Variants in CDH13 observed in about 807,000 individuals in gnomAD.
CDH13 encodes the protein cadherin 13, also known as cadherin-13.
Under a neutral mutation model 63.8 loss-of-function variants are expected in CDH13, and 24 were observed. That is an observed-to-expected ratio of 0.38 (90% confidence interval 0.27 to 0.53). The LOEUF is 0.53. Among genes scored for constraint, CDH13 ranks in the 20% least tolerant of loss-of-function variants. The pLI is 0.85. For missense variants in CDH13, 1,049 were observed against 903.1 expected (o/e 1.16, Z -2.07); for synonymous variants, 503 against 355.3 (o/e 1.42, Z -4.67).
chr16:83,016,473 C>T (rs540909862), intron 2 of CDH13, among the ~76,000 whole-genome samples: 2 of 152,214 alleles, frequency 1.3e-5, no homozygotes, highest in African/African-American at 4.8e-5. Context: ...CTGTAGGAAG[C>T]TCTTGCCCTC....
intron 6 of CDH13, among the ~76,000 whole-genome samples, chr16:83,415,633 A>G (rs578250078): frequency 5.7e-4 from 87 of 152,344 alleles, no homozygotes; most frequent in African/African-American, 1.9e-3. Flanking sequence ...GATACACCAC[A>G]TTAGCAGACT....
chr16:83,323,238 C>G (rs1457380557), intron 5 of CDH13, among the ~76,000 whole-genome samples: 4 of 139,040 alleles, frequency 2.9e-5, no homozygotes, highest in Non-Finnish European at 6.2e-5. Context: ...TTCTTTCTTT[C>G]TTTCCTTCCT....
chr16:83,466,034 T>C (rs1209006777), intron 6 of CDH13, among the ~76,000 whole-genome samples: 2 of 152,160 alleles, frequency 1.3e-5, no homozygotes, highest in African/African-American at 4.8e-5. Flanking sequence ...TACACACATG[T>C]GCTGAACCAC....
chr16:82,675,293 TTATC>T (rs141002866), intron 1 of CDH13, among the ~76,000 whole-genome samples: 69 of 152,320 alleles, frequency 4.5e-4, no homozygotes, highest in Non-Finnish European at 6.5e-4. Flanking sequence ...TTTCATAAAT[TTATC>T]TAGCCCATCT....
chr16:83,073,207 G>C (rs2032566410), intron 3 of CDH13, among the ~76,000 whole-genome samples: 2 of 152,052 alleles, frequency 1.3e-5, no homozygotes, highest in African/African-American at 2.4e-5. Context: ...TTTGAGTACA[G>C]GTCGTCTGGT....
chr16:83,131,596 G>C (rs979128140), intron 4 of CDH13, among the ~76,000 whole-genome samples: 1 of 152,262 alleles, frequency 6.6e-6, no homozygotes, highest in East Asian at 1.9e-4. Flanking sequence ...CCGATTGATT[G>C]AGAGCAGGGG....
At chr16:83,772,933 G>C (rs1467693639) in intron 11 of CDH13, 5 of 152,226 alleles carry the variant, frequency 3.3e-5, no homozygotes, top group Non-Finnish European at 7.3e-5. Flanking sequence ...ATAAGGGAGA[G>C]AGATTGAACT....
chr16:82,687,699 A>AT (rs1915220264), intron 1 of CDH13, among the ~76,000 whole-genome samples: 1 of 152,148 alleles, frequency 6.6e-6, no homozygotes, highest in African/African-American at 2.4e-5. Context: ...TCAAGATGAA[A>AT]TGTGGCTGGG....
At chr16:83,031,510 A>C (rs1916349258) in intron 2 of CDH13, among the ~76,000 whole-genome samples, 1 of 151,046 alleles carries the variant, frequency 6.6e-6, no homozygotes, top group Non-Finnish European at 1.5e-5. Flanking sequence ...CATTCCCTGA[A>C]TCTGTTTTGC....
Position 83,191,526 on chromosome 16 carries a change from C to CAT in CDH13, c.484-25818_484-25817insTA, listed in dbSNP as rs763006044. Among the ~76,000 whole-genome samples, 847 of 101,534 alleles carry CAT rather than the reference C, an allele frequency of 8.3e-3. 6 individuals are homozygous for CAT. The highest frequency in any genetic ancestry group is 0.029 in the African/African-American group (636 of 22,312). 66.6% of individuals were successfully genotyped at this position (101,534 alleles called of 152,430 possible). On this transcript the variant is annotated intron_variant, in intron 4 of 13. Transcript: ENST00000567109. ...ATATACACACACACACACACACACA[C>CAT]ACACATATATATATATATATATATA...
intron 2 of CDH13, among the ~76,000 whole-genome samples, chr16:82,922,499 A>T (rs1300598353): frequency 1.3e-5 from 2 of 152,092 alleles, no homozygotes; most frequent in Non-Finnish European, 2.9e-5. Context: ...CTCTAGAATC[A>T]ATCAGATTTA....
At chr16:83,214,901 T>C (rs1349353508) in intron 4 of CDH13, among the ~76,000 whole-genome samples, 10 of 151,960 alleles carry the variant, frequency 6.6e-5, no homozygotes, top group Non-Finnish European at 1.3e-4. Flanking sequence ...GTGGAGTTCA[T>C]TCTCGCTACT....
At chr16:83,532,520 T>G (rs916788507) in intron 7 of CDH13, among the ~76,000 whole-genome samples, 2 of 152,242 alleles carry the variant, frequency 1.3e-5, no homozygotes, top group African/African-American at 4.8e-5. Flanking sequence ...GCGGGCTCTT[T>G]GCTGCTGCAT....
intron 2 of CDH13, among the ~76,000 whole-genome samples, chr16:82,893,465 C>G (rs186534901): frequency 6.6e-6 from 1 of 152,160 alleles, no homozygotes; most frequent in Non-Finnish European, 1.5e-5. Context: ...TGTTAATCTA[C>G]AAGTGTGATC....
chr16:83,747,996 T>C, intron 10 of CDH13, 112 bp from the exon 11 acceptor site: 1 of 1,149,906 alleles, frequency 8.7e-7, no homozygotes, highest in Admixed American at 1.8e-5. Context: ...GGTTTTGGAT[T>C]TTTGTTACCT....
intron 3 of CDH13, among the ~76,000 whole-genome samples, chr16:83,076,292 C>A (rs1482603328): frequency 2.0e-5 from 3 of 152,096 alleles, no homozygotes; most frequent in African/African-American, 4.8e-5. Flanking sequence ...TAGGAAATGA[C>A]TGAAGCATTC....
chr16:83,656,096 C>G (rs1339327504), intron 8 of CDH13, among the ~76,000 whole-genome samples: 1 of 152,164 alleles, frequency 6.6e-6, no homozygotes, highest in Non-Finnish European at 1.5e-5. Context: ...ATTCCCACCC[C>G]TCACACCCAG....
intron 2 of CDH13, among the ~76,000 whole-genome samples, chr16:83,016,016 A>G (rs1914759122): frequency 6.6e-6 from 1 of 152,018 alleles, no homozygotes; most frequent in Admixed American, 6.6e-5. Context: ...TGTCGAGTGG[A>G]GAAATCACAG....
chr16:83,033,784 G>T (rs564571527), intron 3 of CDH13, among the ~76,000 whole-genome samples: 11 of 152,316 alleles, frequency 7.2e-5, no homozygotes, highest in African/African-American at 2.6e-4. Context: ...CCACCTTCGT[G>T]AGAAAAGGAG....
Sources: gnomAD v4.1 joint callset for allele counts (sites outside exome capture counted in the v4.1 genomes callset) on GRCh38, gnomAD v4.1.1 for gene constraint, MANE v1.5 for transcripts, NCBI Gene and HGNC (gene_info 2026-07-23, HGNC 2026-07-21) for gene names.